The following CNTNAP5 variants were observed in gnomAD, a reference collection of about 807,000 sequenced individuals.
CNTNAP5 encodes contactin-associated protein-like 5.
Under a neutral mutation model 150.2 loss-of-function variants are expected in CNTNAP5, and 72 were observed. That is an observed-to-expected ratio of 0.48 (90% CI 0.40 to 0.58). The LOEUF (loss-of-function observed/expected upper bound fraction) is 0.58. Ranked by LOEUF, CNTNAP5 falls within the 20% of genes least tolerant of loss-of-function variation. The pLI is 0.00. For synonymous variants in CNTNAP5, 672 were observed against 619.8 expected, an observed-to-expected ratio of 1.08 and a Z score of -1.25; for missense variants, 1,636 against 1,626.2, an observed-to-expected ratio of 1.01 and a Z score of -0.10.
At chr2:124,826,783 G>A (rs1407805013) in intron 19 of CNTNAP5, among the ~76,000 whole-genome samples, 1 of 152,046 alleles carries the variant, frequency 6.6e-6, no homozygotes, top group Non-Finnish European at 1.5e-5. Flanking sequence ...AAACACCCCT[G>A]AGATAGCGCT....
rs370342488 is a variant in CNTNAP5 at position 124,747,369 on chromosome 2, G to A, written c.2218G>A (p.Ala740Thr). ...LDIQHFCNCDADKDEWTNDTG... is the reference protein window; with the variant it reads ...LDIQHFCNCDTDKDEWTNDTG... ...CATTCAGCACTTTTGCAATTGCGAC[G>A]CTGACAAGGATGAATGGTAATGAGA... Residue 740 changes from alanine (A) to threonine (T), a missense_variant, in exon 14 of 24, where the codon GCT (alanine) becomes ACT (threonine). Ala to Thr is a moderately conservative substitution (Grantham distance 58). Transcript: ENST00000682447. The A allele has an allele frequency of 8.4e-5, 136 of 1,613,764 alleles. No individual in the cohort carries two copies. The highest frequency in any genetic ancestry group is 1.1e-4 in the Non-Finnish European group (134 of 1,179,742).
At chr2:124,482,880 A>G (rs1414418970) in intron 7 of CNTNAP5, among the ~76,000 whole-genome samples, 1 of 152,188 alleles carries the variant, frequency 6.6e-6, no homozygotes, top group Admixed American at 6.5e-5. Context: ...GTACTCCTTC[A>G]AGGTGAATAG....
chr2:124,594,618 G>C (rs199647708), intron 11 of CNTNAP5, among the ~76,000 whole-genome samples: 1 of 123,408 alleles, frequency 8.1e-6, no homozygotes, highest in Non-Finnish European at 1.7e-5. Context: ...TTGGCGATGC[G>C]GGCTCTTTTT....
At chr2:124,187,543 C>T (rs757424417) in intron 1 of CNTNAP5, among the ~76,000 whole-genome samples, 11 of 152,194 alleles carry the variant, frequency 7.2e-5, no homozygotes, top group South Asian at 2.1e-4. Flanking sequence ...GAATTTTGAA[C>T]GAGTAAAATA....
chr2:124,496,487 A>G (rs558448751), intron 7 of CNTNAP5, among the ~76,000 whole-genome samples: 2 of 152,248 alleles, frequency 1.3e-5, no homozygotes, highest in African/African-American at 4.8e-5. Flanking sequence ...TGCTAGCTTT[A>G]TTTTTTACTC....
At chr2:124,327,476 C>G (rs1395383962) in intron 3 of CNTNAP5, among the ~76,000 whole-genome samples, 5 of 151,980 alleles carry the variant, frequency 3.3e-5, no homozygotes, top group Non-Finnish European at 7.4e-5. Context: ...GACATTATAC[C>G]CTCCTCAGTT....
intron 22 of CNTNAP5, among the ~76,000 whole-genome samples, chr2:124,908,288 T>C (rs1467028058): frequency 6.6e-6 from 1 of 151,916 alleles, no homozygotes; most frequent in Non-Finnish European, 1.5e-5. Flanking sequence ...GGAGAGTAGC[T>C]TGAACCTGGG....
At chr2:124,905,837 G>T in intron 22 of CNTNAP5, among the ~76,000 whole-genome samples, 1 of 152,240 alleles carries the variant, frequency 6.6e-6, no homozygotes, top group East Asian at 1.9e-4. Flanking sequence ...ATGTGGGCAG[G>T]ATCTGCGCTA....
chr2:124,359,191 C>A (rs1230395824), intron 3 of CNTNAP5, among the ~76,000 whole-genome samples: 1 of 151,980 alleles, frequency 6.6e-6, no homozygotes, highest in African/African-American at 2.4e-5. Flanking sequence ...TGATCCTTCT[C>A]TCTTTTTTTC....
Position 124,763,968 on chromosome 2 carries a change from C to T in CNTNAP5, c.2363-9C>T. 6.2e-7 allele frequency: 1 copy of T among 1,608,390 alleles called. No individual in the cohort carries two copies. Among genetic ancestry groups the T allele is most frequent in the Non-Finnish European group, 8.5e-7 (1 of 1,177,110 alleles). Reference sequence around the variant, plus strand: ...GATAAACCATGTTGAAGGATTTTCTCATTTGCAGGACGCTTCTGGAACGCC... The same window carrying T: ...GATAAACCATGTTGAAGGATTTTCTTATTTGCAGGACGCTTCTGGAACGCC... On this transcript the variant is annotated splice_polypyrimidine_tract_variant and intron_variant, in intron 15 of 23. Coordinates refer to ENST00000682447, the MANE Select transcript of CNTNAP5 (RefSeq NM_001367498.1).
chr2:124,611,352 A>G (rs1247181212), intron 12 of CNTNAP5, among the ~76,000 whole-genome samples: 1 of 152,242 alleles, frequency 6.6e-6, no homozygotes, highest in African/African-American at 2.4e-5. Flanking sequence ...ATCTGGATAC[A>G]AAGTCCTATG....
chr2:124,684,644 A>G (rs960239113), intron 13 of CNTNAP5, among the ~76,000 whole-genome samples: 8 of 152,194 alleles, frequency 5.3e-5, no homozygotes, highest in African/African-American at 1.9e-4. Context: ...TTGTAAAGTG[A>G]GGAGGATCCC....
chr2:124,248,566 C>G (rs1378078991), intron 3 of CNTNAP5, among the ~76,000 whole-genome samples: 3 of 152,234 alleles, frequency 2.0e-5, no homozygotes, highest in Non-Finnish European at 2.9e-5. Context: ...CCAGCTTCAG[C>G]AGGCTCCCTC....
At chr2:124,247,983 T>C (rs1490565195) in intron 3 of CNTNAP5, among the ~76,000 whole-genome samples, 3 of 152,306 alleles carry the variant, frequency 2.0e-5, no homozygotes, top group African/African-American at 7.2e-5. Flanking sequence ...AATACAGATA[T>C]TAATTTCAGT....
At chr2:124,331,603 T>A (rs759539338) in intron 3 of CNTNAP5, among the ~76,000 whole-genome samples, 2 of 151,964 alleles carry the variant, frequency 1.3e-5, no homozygotes, top group African/African-American at 2.4e-5. Context: ...AATAAAGGTT[T>A]AAAACACTTC....
rs149045264 is a variant in CNTNAP5, at chr2:124,453,998, CA to C, written c.918+7062del. Reference sequence around the variant, plus strand: ...CAATTGAAAAAACAAAAACAAAAAACAGAGTATACAGGCAACAAATAGCACG... The same window carrying C: ...CAATTGAAAAAACAAAAACAAAAAACGAGTATACAGGCAACAAATAGCACG... On this transcript the variant is annotated intron_variant, in intron 6 of 23. Transcript: ENST00000682447. Among the ~76,000 whole-genome samples the C allele has an allele frequency of 9.2e-5, 14 of 152,108 alleles. No individual in the cohort carries two copies. In the East Asian group the frequency reaches 2.5e-3, roughly 27 times the overall value.
At chr2:124,881,470 C>T (rs72848781) in intron 21 of CNTNAP5, among the ~76,000 whole-genome samples, 18,490 of 152,054 alleles carry the variant, frequency 0.12, 1,400 homozygotes, top group Non-Finnish European at 0.17. Flanking sequence ...GGCCTGAGCC[C>T]GAGTTTACTG....
At chr2:124,740,685 T>C (rs1680479660) in intron 13 of CNTNAP5, among the ~76,000 whole-genome samples, 1 of 152,342 alleles carries the variant, frequency 6.6e-6, no homozygotes, top group South Asian at 2.1e-4. Context: ...TTGTATTTTA[T>C]CAGTTATTAT....
intron 3 of CNTNAP5, among the ~76,000 whole-genome samples, chr2:124,338,419 G>A (rs1038477270): frequency 2.0e-5 from 3 of 152,150 alleles, no homozygotes; most frequent in Non-Finnish European, 4.4e-5. Flanking sequence ...TAGGAGTGGT[G>A]AGAGAGGGCA....
Sources: allele counts gnomAD v4.1 joint callset (sites outside exome capture counted in the v4.1 genomes callset), GRCh38; gene constraint gnomAD v4.1.1; transcripts MANE v1.5; gene names NCBI Gene and HGNC (gene_info 2026-07-23, HGNC 2026-07-21).